The following CDH13 variants were observed in gnomAD, a reference collection of about 807,000 sequenced individuals.
The protein encoded by CDH13 is cadherin 13.
In CDH13, 24 loss-of-function variants were observed where a neutral mutation model predicts 63.8. The ratio of observed to expected loss-of-function variants is 0.38; its 90% CI spans 0.27 to 0.53. CDH13 has a LOEUF of 0.53. Among genes scored for constraint, CDH13 ranks in the 20% least tolerant of loss-of-function variants. The pLI is 0.85. For synonymous variants in CDH13, 503 were observed against 355.3 expected, an observed-to-expected ratio of 1.42 and a Z score of -4.67; for missense variants, 1,049 against 903.1, an observed-to-expected ratio of 1.16 and a Z score of -2.07.
chr16:82,983,865 A>G (rs1208784101), intron 2 of CDH13, among the ~76,000 whole-genome samples: 1 of 152,226 alleles, frequency 6.6e-6, no homozygotes, highest in Non-Finnish European at 1.5e-5. Flanking sequence ...TGGACCTTTC[A>G]GCAGAGGGAA....
chr16:82,911,678 C>A (rs1483244713), intron 2 of CDH13, among the ~76,000 whole-genome samples: 2 of 152,170 alleles, frequency 1.3e-5, no homozygotes, highest in African/African-American at 4.8e-5. Context: ...TTGATGCAGA[C>A]AGCACCTGGT....
At chr16:83,269,826 C>T (rs781683135) in intron 5 of CDH13, among the ~76,000 whole-genome samples, 2 of 152,108 alleles carry the variant, frequency 1.3e-5, no homozygotes, top group East Asian at 1.9e-4. Context: ...ACTGGAGAAC[C>T]GTTAATCCCT....
chr16:83,419,096 G>A (rs1029156373), intron 6 of CDH13, among the ~76,000 whole-genome samples: 6 of 152,120 alleles, frequency 3.9e-5, no homozygotes, highest in South Asian at 2.1e-4. Context: ...AAAGGGCAGC[G>A]TGAAGACCTA....
chr16:83,778,301 A>T (rs1287720134), intron 11 of CDH13, among the ~76,000 whole-genome samples: 1 of 152,214 alleles, frequency 6.6e-6, no homozygotes, highest in Non-Finnish European at 1.5e-5. Flanking sequence ...AGGCCGAGGC[A>T]GGTGGATCAC....
intron 6 of CDH13, among the ~76,000 whole-genome samples, chr16:83,419,188 C>T (rs1029045563): frequency 3.9e-5 from 6 of 152,174 alleles, no homozygotes; most frequent in Admixed American, 1.3e-4. Context: ...CCATCCCTAT[C>T]GTGCCCCCTG....
intron 4 of CDH13, among the ~76,000 whole-genome samples, chr16:83,151,187 C>A (rs2036964047): frequency 6.6e-6 from 1 of 152,150 alleles, no homozygotes; most frequent in African/African-American, 2.4e-5. Flanking sequence ...CTGTAGGAAA[C>A]TCGAAGGCCC....
At chr16:82,638,817 AGTGTGTGC>A (rs920421856) in intron 1 of CDH13, among the ~76,000 whole-genome samples, 80 of 52,544 alleles carry the variant, frequency 1.5e-3, no homozygotes, top group African/African-American at 4.1e-3. Flanking sequence ...TTATTAGGGC[AGTGTGTGC>A]GTGTGTGCGT....
intron 6 of CDH13, among the ~76,000 whole-genome samples, chr16:83,355,826 G>C (rs1207493532): frequency 6.6e-6 from 1 of 152,160 alleles, no homozygotes; most frequent in Non-Finnish European, 1.5e-5. Context: ...TAGGATTAAG[G>C]GAGGGAGATG....
intron 4 of CDH13, among the ~76,000 whole-genome samples, chr16:83,195,271 C>T (rs969935783): frequency 2.0e-5 from 3 of 152,114 alleles, no homozygotes; most frequent in African/African-American, 7.2e-5. Flanking sequence ...AGAAAATGCT[C>T]ATGATATAAT....
chr16:83,233,542 G>A (rs2040062326), intron 5 of CDH13, among the ~76,000 whole-genome samples: 1 of 152,174 alleles, frequency 6.6e-6, no homozygotes, highest in South Asian at 2.1e-4. Context: ...GCTGTGGGCA[G>A]AGCTGGCTTC....
intron 5 of CDH13, among the ~76,000 whole-genome samples, chr16:83,301,025 G>GTTTTTTTTTTTTTTTTTTT (rs3052591): frequency 2.5e-5 from 2 of 78,756 alleles, no homozygotes; most frequent in African/African-American, 1.1e-4. Flanking sequence ...ACTTTCTGGG[G>GTTTTTTTTTTTTTTTTTTT]TTTTTTTTTT....
Position 83,090,166 on chromosome 16 carries a change from T to C in CDH13, c.367-35219T>C, listed in dbSNP as rs150006348. Among the ~76,000 whole-genome samples the C allele has an allele frequency of 4.0e-3, 606 of 152,212 alleles. 17 individuals are homozygous for C. Among genetic ancestry groups the C allele is most frequent in the Admixed American group, 0.032 (482 of 15,280 alleles). On this transcript the variant is annotated intron_variant, in intron 3 of 13. Coordinates refer to ENST00000567109, the MANE Select transcript of CDH13 (RefSeq NM_001257.5). The stretch of plus-strand genomic sequence containing the variant: ...CCCCAGGTCCCAGCTTCTCCACTTC[T>C]CTCCAACTACCTCCCACTTTTCCTC...
At chr16:83,763,862 A>G (rs1914173194) in intron 11 of CDH13, among the ~76,000 whole-genome samples, 1 of 152,222 alleles carries the variant, frequency 6.6e-6, no homozygotes, top group Non-Finnish European at 1.5e-5. Context: ...AGGTGTGATC[A>G]GAGCCATTGG....
At chr16:82,864,492 T>C (rs1279436233) in intron 2 of CDH13, among the ~76,000 whole-genome samples, 1 of 152,004 alleles carries the variant, frequency 6.6e-6, no homozygotes, top group Non-Finnish European at 1.5e-5. Flanking sequence ...CTTCAGAAGG[T>C]GGCAGGAAGG....
intron 1 of CDH13, among the ~76,000 whole-genome samples, chr16:82,647,060 G>A (rs960891799): frequency 6.6e-6 from 1 of 152,122 alleles, no homozygotes; most frequent in Non-Finnish European, 1.5e-5. Flanking sequence ...TAAGAGCCCA[G>A]GCCTCGAGGG....
chr16:83,104,634 C>T (rs1367439045), intron 3 of CDH13, among the ~76,000 whole-genome samples: 2 of 132,972 alleles, frequency 1.5e-5, no homozygotes, highest in East Asian at 2.3e-4. Context: ...CGGGGGTGGG[C>T]GGGGGAAATA....
At chr16:83,409,396 G>A (rs2092094628) in intron 6 of CDH13, among the ~76,000 whole-genome samples, 1 of 152,138 alleles carries the variant, frequency 6.6e-6, no homozygotes, top group Non-Finnish European at 1.5e-5. Flanking sequence ...GCGACACGGG[G>A]CAATGGTAGT....
chr16:83,568,700 A>C (rs1432027500), intron 7 of CDH13, among the ~76,000 whole-genome samples: 1 of 152,180 alleles, frequency 6.6e-6, no homozygotes, highest in African/African-American at 2.4e-5. Context: ...GCATTCTGCT[A>C]ACATCTGCAA....
chr16:83,488,097 A>G (rs557000912), intron 7 of CDH13, among the ~76,000 whole-genome samples: 21 of 152,308 alleles, frequency 1.4e-4, no homozygotes, highest in Non-Finnish European at 2.4e-4. Context: ...GGTTATTGCA[A>G]TTTTAAAGTA....
Sources: allele counts gnomAD v4.1 joint callset (sites outside exome capture counted in the v4.1 genomes callset), GRCh38; gene constraint gnomAD v4.1.1; transcripts MANE v1.5; gene names NCBI Gene and HGNC (gene_info 2026-07-23, HGNC 2026-07-21).